Variants in PAX3 observed in about 807,000 individuals in gnomAD.
PAX3 encodes the protein paired box 3.
A neutral mutation model predicts 51.6 loss-of-function variants in PAX3; 14 were observed. The ratio of observed to expected loss-of-function variants is 0.27; its 90% CI spans 0.18 to 0.42. PAX3 has a LOEUF of 0.42. PAX3 is among the 10% of genes least tolerant of loss of function. PAX3 has a pLI of 1.00. For synonymous variants in PAX3, 280 were observed against 253.4 expected, an observed-to-expected ratio of 1.11 and a Z score of -1.00; for missense variants, 540 against 642.8, an observed-to-expected ratio of 0.84 and a Z score of 1.73.
At chr2:222,293,494 TA>T in intron 4 of PAX3, 1 of 770,322 alleles carries the variant, frequency 1.3e-6, no homozygotes. Flanking sequence ...TCTGTACCCC[TA>T]GAAGACAGAG....
chr2:222,202,612 A>G (rs780824385), intron 7 of PAX3, among the ~76,000 whole-genome samples: 1 of 152,184 alleles, frequency 6.6e-6, no homozygotes, highest in Non-Finnish European at 1.5e-5. Flanking sequence ...TGTGATTTTT[A>G]AACAGTCATT....
chr2:222,287,913 CAAAG>C (rs1167530111), intron 4 of PAX3, among the ~76,000 whole-genome samples: 1 of 152,060 alleles, frequency 6.6e-6, no homozygotes, highest in Non-Finnish European at 1.5e-5. Context: ...GAAATGAGCA[CAAAG>C]AAAGAGATTC....
intron 4 of PAX3, among the ~76,000 whole-genome samples, chr2:222,292,458 T>G (rs898376260): frequency 6.6e-6 from 1 of 152,200 alleles, no homozygotes; most frequent in Non-Finnish European, 1.5e-5. Context: ...GCTGGAAAAG[T>G]TGTACAAATG....
chr2:222,280,441 G>T (rs1402587233), intron 4 of PAX3, among the ~76,000 whole-genome samples: 1 of 151,082 alleles, frequency 6.6e-6, no homozygotes, highest in Non-Finnish European at 1.5e-5. Context: ...AAGGAAGGAA[G>T]GAAGAAAGAA....
At chr2:222,245,461 A>G (rs1693189950) in intron 4 of PAX3, among the ~76,000 whole-genome samples, 1 of 152,246 alleles carries the variant, frequency 6.6e-6, no homozygotes, top group Non-Finnish European at 1.5e-5. Context: ...CAATGTGAAT[A>G]GGTCAGGTAC....
chr2:222,221,694 C>T (rs1027191075), intron 5 of PAX3: 19 of 371,084 alleles, frequency 5.1e-5, no homozygotes, highest in Non-Finnish European at 2.1e-5. Context: ...CCTCCCTACC[C>T]TCAACATCCA....
chr2:222,298,824 G>GC lies in PAX3; in HGVS notation c.-210dup, dbSNP rs1695453810. The GC allele has an allele frequency of 1.6e-6, 1 of 610,484 alleles. No homozygotes were observed. The highest frequency in any genetic ancestry group is 2.9e-6 in the Non-Finnish European group (1 of 340,954). The allele number at this position is 610,484 out of a possible 1,614,324, so 37.8% of individuals were successfully genotyped here. A position where few individuals can be genotyped will look rare whatever the true frequency, so the allele number is the denominator to read the frequency against. ...ACCCGGGAAAGGGGAGGACGGGGAG[G>GC]CCCCGGAGTCCAGGATCCCGAGCCC... On this transcript the variant is annotated 5_prime_UTR_variant, in exon 1 of 9. Transcript: ENST00000392070.
intron 7 of PAX3, among the ~76,000 whole-genome samples, chr2:222,205,618 A>G (rs1691474264): frequency 6.6e-6 from 1 of 152,218 alleles, no homozygotes; most frequent in South Asian, 2.1e-4. Flanking sequence ...ACTGCGATTA[A>G]TAAATAATTA....
At chr2:222,277,480 T>C (rs1694463205) in intron 4 of PAX3, among the ~76,000 whole-genome samples, 1 of 152,192 alleles carries the variant, frequency 6.6e-6, no homozygotes, top group Non-Finnish European at 1.5e-5. Flanking sequence ...TGTCATTATC[T>C]AATATTTATA....
At chr2:222,295,234 A>G (rs1037631511) in intron 3 of PAX3, among the ~76,000 whole-genome samples, 1 of 152,142 alleles carries the variant, frequency 6.6e-6, no homozygotes, top group African/African-American at 2.4e-5. Context: ...GGGAACATCA[A>G]TATTAATAAA....
At chr2:222,219,891 A>G (rs1310410038) in intron 7 of PAX3, among the ~76,000 whole-genome samples, 1 of 152,226 alleles carries the variant, frequency 6.6e-6, no homozygotes, top group Non-Finnish European at 1.5e-5. Context: ...ACACCTTCAC[A>G]GCTAAATATG....
intron 4 of PAX3, among the ~76,000 whole-genome samples, chr2:222,246,037 T>C (rs1693218081): frequency 6.6e-6 from 1 of 151,844 alleles, no homozygotes; most frequent in Admixed American, 6.6e-5. Context: ...CAAAGAAGGA[T>C]AGAAAATAAA....
chr2:222,245,609 G>A (rs1433839546), intron 4 of PAX3, among the ~76,000 whole-genome samples: 1 of 152,096 alleles, frequency 6.6e-6, no homozygotes, highest in Non-Finnish European at 1.5e-5. Context: ...GAAGTGATAT[G>A]TGGGAGAGAG....
intron 4 of PAX3, among the ~76,000 whole-genome samples, chr2:222,282,529 C>A (rs991658930): frequency 2.6e-5 from 4 of 152,124 alleles, no homozygotes; most frequent in African/African-American, 9.7e-5. Flanking sequence ...AATACAAGAC[C>A]ATATTTTCTT....
chr2:222,200,948 A>G lies in PAX3; in HGVS notation c.*460T>C. The G allele has an allele frequency of 1.7e-6, 1 of 582,280 alleles. No homozygotes were observed. Among genetic ancestry groups the G allele is most frequent in the South Asian group, 2.1e-5 (1 of 48,152 alleles). 36.1% of individuals were successfully genotyped at this position (582,280 alleles called of 1,614,324 possible). A position where few individuals can be genotyped will look rare whatever the true frequency, so the allele number is the denominator to read the frequency against. On this transcript the variant is annotated 3_prime_UTR_variant, in exon 9 of 9. Transcript: ENST00000392070. ...GTTTTAAAGTTGTAGAAGTATCAGC[A>G]TCGAACATCGACATGTTATACTTTA...
intron 4 of PAX3, among the ~76,000 whole-genome samples, chr2:222,241,917 T>G (rs1301151609): frequency 6.6e-6 from 1 of 152,254 alleles, no homozygotes; most frequent in Non-Finnish European, 1.5e-5. Context: ...TGATATACCC[T>G]TCTGTCATTT....
chr2:222,208,251 T>C (rs937963567), intron 7 of PAX3, among the ~76,000 whole-genome samples: 2 of 152,162 alleles, frequency 1.3e-5, no homozygotes, highest in African/African-American at 2.4e-5. Flanking sequence ...CTACAATTAA[T>C]ATGATTTATG....
chr2:222,229,405 A>G (rs1321810239), intron 5 of PAX3, among the ~76,000 whole-genome samples: 1 of 152,162 alleles, frequency 6.6e-6, no homozygotes, highest in Non-Finnish European at 1.5e-5. Context: ...TCTGTTTCCC[A>G]ATGATAATAG....
At chr2:222,249,848 G>A (rs1178682077) in intron 4 of PAX3, among the ~76,000 whole-genome samples, 2 of 151,994 alleles carry the variant, frequency 1.3e-5, no homozygotes, top group Admixed American at 6.6e-5. Context: ...TAACAGTAAC[G>A]ACAGCCCTCC....
Sources: allele counts gnomAD v4.1 joint callset (sites outside exome capture counted in the v4.1 genomes callset), GRCh38; gene constraint gnomAD v4.1.1; transcripts MANE v1.5; gene names NCBI Gene and HGNC (gene_info 2026-07-23, HGNC 2026-07-21).